RELCH: variants seen among roughly 807,000 people sequenced by gnomAD.
RELCH encodes the protein RAB11-binding protein RELCH.
RELCH carries 41 observed loss-of-function variants against 150.3 expected under a neutral mutation model. That is an observed-to-expected ratio of 0.27 (90% CI 0.21 to 0.35). The LOEUF is 0.35. Among genes scored for constraint, RELCH ranks in the 10% least tolerant of loss-of-function variants. The pLI is 1.00. For synonymous variants in RELCH, 478 were observed against 531.8 expected (o/e 0.90, Z 1.39); for missense variants, 1,092 against 1,467.8 (o/e 0.74, Z 4.18).
Position 62,251,610 on chromosome 18 carries a change from G to C in RELCH, c.1734-1054G>C, listed in dbSNP as rs1419043324. 2.0e-5 allele frequency among the ~76,000 whole-genome samples: 3 copies of C among 152,216 alleles called. No homozygotes were observed. The East Asian group carries it at 5.8e-4, about 29-fold the overall frequency. ...TCACTAGGCCCAGTCTGCACTCAAA[G>C]AGATGCGATCATTGAGAGTCATGTC... On this transcript the variant is annotated intron_variant, in intron 11 of 28. Coordinates refer to ENST00000644646, the MANE Select transcript of RELCH (RefSeq NM_001346231.2).
intron 27 of RELCH, among the ~76,000 whole-genome samples, chr18:62,292,913 A>G (rs770451755): frequency 5.9e-5 from 9 of 152,174 alleles, no homozygotes; most frequent in Non-Finnish European, 1.0e-4. Context: ...CACTACAGCC[A>G]AAGTACTTTT....
At chr18:62,230,553 A>T (rs143684962) in intron 8 of RELCH, among the ~76,000 whole-genome samples, 1 of 152,226 alleles carries the variant, frequency 6.6e-6, no homozygotes, top group African/African-American at 2.4e-5. Flanking sequence ...AATTTTATGA[A>T]TAATACTACA....
chr18:62,212,045 T>TC (rs1483871825), intron 2 of RELCH, among the ~76,000 whole-genome samples: 1 of 152,100 alleles, frequency 6.6e-6, no homozygotes. Flanking sequence ...TCCCTTCCCA[T>TC]CCCCCCATCC....
intron 10 of RELCH, among the ~76,000 whole-genome samples, chr18:62,232,915 A>C (rs1295073693): frequency 2.6e-5 from 4 of 152,088 alleles, no homozygotes; most frequent in African/African-American, 9.7e-5. Flanking sequence ...TTGTTTGGCA[A>C]TAAATCACAT....
intron 1 of RELCH, among the ~76,000 whole-genome samples, chr18:62,194,187 G>C (rs1199338182): frequency 1.3e-5 from 2 of 152,178 alleles, no homozygotes; most frequent in Admixed American, 6.5e-5. Flanking sequence ...GGCCAAGGCT[G>C]CAGTGAGCCA....
At chr18:62,212,204 G>T (rs1029111087) in intron 2 of RELCH, among the ~76,000 whole-genome samples, 1 of 152,200 alleles carries the variant, frequency 6.6e-6, no homozygotes, top group African/African-American at 2.4e-5. Context: ...CCCGTTAGCA[G>T]CCTTGGCTCC....
chr18:62,265,704 T>C (rs1506322), intron 18 of RELCH, among the ~76,000 whole-genome samples: 10,331 of 152,046 alleles, frequency 0.068, 424 homozygotes, highest in Middle Eastern at 0.14. Context: ...TTGACTAATG[T>C]TTATGATCTT....
At chr18:62,225,630 T>C (rs183001861) in intron 5 of RELCH, among the ~76,000 whole-genome samples, 24 of 152,070 alleles carry the variant, frequency 1.6e-4, no homozygotes, top group Non-Finnish European at 2.9e-4. Context: ...TTCAATCACA[T>C]TGAGATACCA....
intron 20 of RELCH, among the ~76,000 whole-genome samples, chr18:62,271,161 T>G (rs931094321): frequency 6.6e-6 from 1 of 152,188 alleles, no homozygotes; most frequent in Non-Finnish European, 1.5e-5. Flanking sequence ...CTTGAGGAAT[T>G]GCCACACTGT....
chr18:62,236,080 G>A (rs1241995622), intron 10 of RELCH, among the ~76,000 whole-genome samples: 1 of 151,838 alleles, frequency 6.6e-6, no homozygotes, highest in African/African-American at 2.4e-5. Flanking sequence ...TATGATGTTT[G>A]CTATAGAATT....
At chr18:62,249,002 G>A (rs1196962845) in intron 11 of RELCH, among the ~76,000 whole-genome samples, 3 of 152,078 alleles carry the variant, frequency 2.0e-5, no homozygotes, top group African/African-American at 4.8e-5. Context: ...GTGGATAGAT[G>A]GATTAAGCAC....
At chr18:62,254,206 T>C (rs1425644117) in intron 12 of RELCH, among the ~76,000 whole-genome samples, 3 of 152,160 alleles carry the variant, frequency 2.0e-5, no homozygotes, top group Non-Finnish European at 4.4e-5. Context: ...CCTAATTTTA[T>C]ATATTAAGTC....
intron 11 of RELCH, 118 bp downstream of exon 11, chr18:62,244,994 T>C (rs1023007878): frequency 2.9e-6 from 2 of 679,366 alleles, no homozygotes; most frequent in Admixed American, 4.2e-5. Context: ...GTATCTATTT[T>C]AGCAGCGCTG....
intron 27 of RELCH, among the ~76,000 whole-genome samples, chr18:62,297,933 C>G (rs1482538123): frequency 6.6e-6 from 1 of 152,190 alleles, no homozygotes; most frequent in Non-Finnish European, 1.5e-5. Context: ...CCGTTCTCCA[C>G]TTTGGCCTTC....
chr18:62,277,774 T>A, intron 22 of RELCH: 1 of 829,322 alleles, frequency 1.2e-6, no homozygotes, highest in Non-Finnish European at 1.5e-6. Flanking sequence ...AAATTACTTT[T>A]TGAAGTAGCA....
At chr18:62,208,542 G>A (rs937378668) in intron 1 of RELCH, among the ~76,000 whole-genome samples, 2 of 151,974 alleles carry the variant, frequency 1.3e-5, no homozygotes, top group African/African-American at 4.8e-5. Flanking sequence ...GGGTGCATGT[G>A]CAGGTTTGTT....
At chr18:62,240,390 C>A (rs1033368510) in intron 10 of RELCH, among the ~76,000 whole-genome samples, 2 of 151,026 alleles carry the variant, frequency 1.3e-5, no homozygotes, top group Non-Finnish European at 3.0e-5. Flanking sequence ...TCAAAGAAAA[C>A]CATTTTCTTT....
At chr18:62,236,249 G>A (rs1403743693) in intron 10 of RELCH, among the ~76,000 whole-genome samples, 3 of 151,856 alleles carry the variant, frequency 2.0e-5, no homozygotes, top group Non-Finnish European at 4.4e-5. Flanking sequence ...TCATATGCCT[G>A]CATTATTTAT....
At chr18:62,215,882 C>T (rs2040445858) in intron 2 of RELCH, among the ~76,000 whole-genome samples, 1 of 152,054 alleles carries the variant, frequency 6.6e-6, no homozygotes, top group African/African-American at 2.4e-5. Flanking sequence ...TTCACAGAGC[C>T]ATTTTCTTAG....
Sources: allele counts gnomAD v4.1 joint callset (sites outside exome capture counted in the v4.1 genomes callset), GRCh38; gene constraint gnomAD v4.1.1; transcripts MANE v1.5; gene names NCBI Gene and HGNC (gene_info 2026-07-23, HGNC 2026-07-21).